ARID4B: variants seen among roughly 807,000 people sequenced by gnomAD.
ARID4B encodes the protein AT-rich interactive domain-containing protein 4B.
In ARID4B, 26 loss-of-function variants were observed where a neutral mutation model predicts 147.5. The ratio of observed to expected loss-of-function variants is 0.18; its 90% CI spans 0.13 to 0.24. The LOEUF (loss-of-function observed/expected upper bound fraction) is 0.24. Among genes scored for constraint, ARID4B ranks in the 10% least tolerant of loss-of-function variants. ARID4B has a pLI of 1.00. For synonymous variants in ARID4B, 512 were observed against 507.9 expected (o/e 1.01, Z -0.11); for missense variants, 1,179 against 1,511.5 (o/e 0.78, Z 3.65).
At chr1:235,322,366 C>T (rs1674901769) in intron 2 of ARID4B, among the ~76,000 whole-genome samples, 1 of 152,148 alleles carries the variant, frequency 6.6e-6, no homozygotes, top group South Asian at 2.1e-4. Context: ...CCACCACTGC[C>T]CTTTTATTCC....
chr1:235,308,710 C>T (rs968213157), intron 2 of ARID4B, among the ~76,000 whole-genome samples: 5 of 152,206 alleles, frequency 3.3e-5, no homozygotes, highest in African/African-American at 7.2e-5. Flanking sequence ...CTCCTAACCG[C>T]GAGTGATCCG....
chr1:235,209,858 C>A (rs1485295059), intron 17 of ARID4B, among the ~76,000 whole-genome samples: 1 of 152,088 alleles, frequency 6.6e-6, no homozygotes, highest in Non-Finnish European at 1.5e-5. Context: ...GCTACCCGTG[C>A]CTGGCCTAAA....
Position 235,173,992 on chromosome 1 carries a change from CT to C in ARID4B, c.3664+1191del, listed in dbSNP as rs530324677. ...CTGCACCCCTATCCATTCCTCACCC[CT>C]AACACCAGATACTTTTAAATCAAAT... On this transcript the variant is annotated intron_variant, in intron 22 of 23. Coordinates refer to ENST00000264183, the MANE Select transcript of ARID4B (RefSeq NM_016374.6). Among the ~76,000 whole-genome samples, 262 of 150,856 alleles carry C rather than the reference CT, an allele frequency of 1.7e-3. 1 individual carries two copies. The highest frequency in any genetic ancestry group is 6.1e-3 in the African/African-American group (250 of 41,162).
intron 19 of ARID4B, among the ~76,000 whole-genome samples, chr1:235,184,569 G>C (rs1276603473): frequency 6.6e-6 from 1 of 152,086 alleles, no homozygotes; most frequent in Non-Finnish European, 1.5e-5. Flanking sequence ...ATGTTCTTTA[G>C]CTAAATTCAT....
chr1:235,173,903 G>C (rs1352568356), intron 22 of ARID4B, among the ~76,000 whole-genome samples: 1 of 146,564 alleles, frequency 6.8e-6, no homozygotes, highest in East Asian at 2.0e-4. Flanking sequence ...GAGAAGGATA[G>C]TGAACCCCAT....
At chr1:235,298,559 T>C (rs1354640568) in intron 2 of ARID4B, among the ~76,000 whole-genome samples, 1 of 148,522 alleles carries the variant, frequency 6.7e-6, no homozygotes, top group African/African-American at 2.4e-5. Flanking sequence ...ACAATGTATA[T>C]TTATATATAT....
At chr1:235,251,269 C>T (rs1019454892) in intron 6 of ARID4B, among the ~76,000 whole-genome samples, 3 of 148,110 alleles carry the variant, frequency 2.0e-5, no homozygotes, top group Admixed American at 2.0e-4. Context: ...AAGTGCAAAA[C>T]GACCAATTTG....
chr1:235,316,181 A>C (rs1674413454), intron 2 of ARID4B, among the ~76,000 whole-genome samples: 1 of 152,230 alleles, frequency 6.6e-6, no homozygotes, highest in African/African-American at 2.4e-5. Flanking sequence ...TCAACGAGGT[A>C]AACATTTCAA....
chr1:235,216,719 T>G (rs1255059149), intron 16 of ARID4B, among the ~76,000 whole-genome samples: 1 of 152,026 alleles, frequency 6.6e-6, no homozygotes, highest in African/African-American at 2.4e-5. Flanking sequence ...GGCTAAAATA[T>G]CAAAAAAATT....
chr1:235,311,600 C>T (rs1674057202), intron 2 of ARID4B, among the ~76,000 whole-genome samples: 1 of 151,768 alleles, frequency 6.6e-6, no homozygotes, highest in South Asian at 2.1e-4. Flanking sequence ...GTGGCAAAAC[C>T]CTGTCTCTAA....
intron 11 of ARID4B, chr1:235,228,623 G>A (rs1160004336): frequency 6.7e-6 from 1 of 148,624 alleles, no homozygotes; most frequent in Non-Finnish European, 1.5e-5. Context: ...GGCCTAGATG[G>A]TAAGTTTTTT....
intron 2 of ARID4B, among the ~76,000 whole-genome samples, chr1:235,291,996 G>A (rs1310435890): frequency 6.6e-6 from 1 of 152,118 alleles, no homozygotes; most frequent in African/African-American, 2.4e-5. Context: ...GTAAAAGGTA[G>A]GATGAAAGGG....
At chr1:235,189,413 AAAAAAAAAAAAT>A (rs1023746617) in intron 19 of ARID4B, among the ~76,000 whole-genome samples, 1 of 151,380 alleles carries the variant, frequency 6.6e-6, no homozygotes, top group African/African-American at 2.4e-5. Flanking sequence ...AAAAAAAAAA[AAAAAAAAAAAAT>A]CATTGAAAAC....
At chr1:235,178,052 C>G (rs770445143) in intron 20 of ARID4B, 139 bp from the exon 21 acceptor site, 14 of 472,294 alleles carry the variant, frequency 3.0e-5, no homozygotes, top group Non-Finnish European at 5.2e-5. Flanking sequence ...ACAGAACTTA[C>G]TACAATTTTT....
chr1:235,168,464 T>C lies in ARID4B; in HGVS notation c.*61A>G, dbSNP rs1217335060. The C allele has an allele frequency of 3.8e-6, 6 of 1,586,464 alleles. No homozygotes were observed. The African/African-American group carries it at 4.1e-5, about 11-fold the overall frequency. The stretch of plus-strand genomic sequence containing the variant: ...GATATTTTTTTGTGCCACTGTGCAG[T>C]ATAAAAAAAAAGTGGCCCTCAACAG... On this transcript the variant is annotated 3_prime_UTR_variant, in exon 24 of 24. Transcript: ENST00000264183.
chr1:235,170,204 G>A (rs1481268205), intron 23 of ARID4B, among the ~76,000 whole-genome samples: 1 of 152,128 alleles, frequency 6.6e-6, no homozygotes, highest in East Asian at 1.9e-4. Flanking sequence ...TCTTTGGAAA[G>A]AAAAATTGTA....
Position 235,172,745 on chromosome 1 carries a change from T to G in ARID4B, c.3684A>C (p.Thr1228=), listed in dbSNP as rs940103556. The change falls in exon 23 of 24, where the codon ACA becomes ACC. Residue 1228 remains threonine, a synonymous_variant. Coordinates refer to ENST00000264183, the MANE Select transcript of ARID4B (RefSeq NM_016374.6). ...SFQMSDLENM[T]SAERITILQE... The stretch of plus-strand genomic sequence containing the variant: ...GAAGAATTGTGATGCGTTCGGCACT[T>G]GTCATATTTTCCAGGTCCGCTATAA... 6.4e-7 allele frequency: 1 copy of G among 1,562,288 alleles called. No homozygotes were observed. Among genetic ancestry groups the G allele is most frequent in the Admixed American group, 2.1e-5 (1 of 47,476 alleles).
intron 2 of ARID4B, among the ~76,000 whole-genome samples, chr1:235,271,437 C>G (rs1185295056): frequency 6.6e-6 from 1 of 151,908 alleles, no homozygotes; most frequent in Non-Finnish European, 1.5e-5. Context: ...CGAGTCCAGC[C>G]TGGCCAACAT....
intron 2 of ARID4B, among the ~76,000 whole-genome samples, chr1:235,276,999 C>T (rs1445084047): frequency 1.5e-5 from 2 of 133,330 alleles, no homozygotes; most frequent in African/African-American, 2.9e-5. Context: ...ACACCATCTC[C>T]GAAAAAAAAA....
Sources: gnomAD v4.1 joint callset for allele counts (sites outside exome capture counted in the v4.1 genomes callset) on GRCh38, gnomAD v4.1.1 for gene constraint, MANE v1.5 for transcripts, NCBI Gene and HGNC (gene_info 2026-07-23, HGNC 2026-07-21) for gene names.